GRIA1: variants seen among roughly 807,000 people sequenced by gnomAD.
GRIA1 encodes the protein glutamate ionotropic receptor AMPA type subunit 1.
In GRIA1, 31 loss-of-function variants were observed where a neutral mutation model predicts 99.2. That is an observed-to-expected ratio of 0.31 (90% confidence interval 0.23 to 0.42). The LOEUF (loss-of-function observed/expected upper bound fraction) is 0.42. GRIA1 is among the 10% of genes least tolerant of loss of function. The pLI is 1.00. For synonymous variants in GRIA1, 438 were observed against 432.4 expected, an observed-to-expected ratio of 1.01 and a Z score of -0.16; for missense variants, 782 against 1,157.5, an observed-to-expected ratio of 0.68 and a Z score of 4.71.
intron 2 of GRIA1, among the ~76,000 whole-genome samples, chr5:153,561,696 G>C (rs1761139890): frequency 6.6e-6 from 1 of 152,178 alleles, no homozygotes; most frequent in African/African-American, 2.4e-5. Context: ...AGAATGCCTA[G>C]CACATTATAA....
At chr5:153,511,965 C>G (rs1328889086) in intron 2 of GRIA1, among the ~76,000 whole-genome samples, 1 of 152,186 alleles carries the variant, frequency 6.6e-6, no homozygotes, top group Non-Finnish European at 1.5e-5. Flanking sequence ...GAAATAACAC[C>G]CAGCCTCTGT....
chr5:153,506,619 C>G (rs1350802661), intron 2 of GRIA1, among the ~76,000 whole-genome samples: 2 of 152,078 alleles, frequency 1.3e-5, no homozygotes, highest in African/African-American at 4.8e-5. Context: ...ATAGAGGTGT[C>G]ACACCTACAA....
chr5:153,609,807 G>A lies in GRIA1; in HGVS notation c.221-37121G>A, dbSNP rs560348769. On this transcript the variant is annotated intron_variant, in intron 2 of 15. Transcript: ENST00000285900. Reference sequence around the variant, plus strand: ...CGATCTCCTGACCTTGTGATCTGCCGGCCTCGGCCTCCCAAAGTGCTGGGA... The same window carrying A: ...CGATCTCCTGACCTTGTGATCTGCCAGCCTCGGCCTCCCAAAGTGCTGGGA... 2.0e-3 allele frequency among the ~76,000 whole-genome samples: 298 copies of A among 151,634 alleles called. 1 individual carries two copies. Among genetic ancestry groups the A allele is most frequent in the Non-Finnish European group, 3.5e-3 (238 of 67,828 alleles).
At chr5:153,509,959 G>A (rs780859144) in intron 2 of GRIA1, among the ~76,000 whole-genome samples, 20 of 152,084 alleles carry the variant, frequency 1.3e-4, no homozygotes, top group Non-Finnish European at 2.6e-4. Context: ...ACTCTGGATG[G>A]GATTTTGTAA....
intron 13 of GRIA1, among the ~76,000 whole-genome samples, chr5:153,771,401 A>G (rs922265456): frequency 6.6e-6 from 1 of 152,168 alleles, no homozygotes; most frequent in African/African-American, 2.4e-5. Context: ...ATCTGGGTCT[A>G]CCTCTGCCTC....
intron 2 of GRIA1, among the ~76,000 whole-genome samples, chr5:153,616,613 T>C (rs1324477699): frequency 6.6e-6 from 1 of 152,244 alleles, no homozygotes; most frequent in African/African-American, 2.4e-5. Context: ...TACAATTTTA[T>C]TCTCCCAGGG....
chr5:153,517,383 C>T (rs999014477), intron 2 of GRIA1, among the ~76,000 whole-genome samples: 3 of 152,244 alleles, frequency 2.0e-5, no homozygotes, highest in East Asian at 3.9e-4. Flanking sequence ...GGGAGCAGAA[C>T]ATTTGAGCTT....
intron 11 of GRIA1, among the ~76,000 whole-genome samples, chr5:153,720,012 AT>A (rs1404965477): frequency 6.6e-6 from 1 of 152,162 alleles, no homozygotes; most frequent in East Asian, 1.9e-4. Flanking sequence ...GTGTTTATTA[AT>A]TTTTTGTGTC....
intron 8 of GRIA1, among the ~76,000 whole-genome samples, chr5:153,688,557 C>A (rs1034426851): frequency 4.6e-5 from 7 of 152,128 alleles, no homozygotes; most frequent in African/African-American, 1.7e-4. Context: ...TTATTAATAG[C>A]TATAGTAAAT....
chr5:153,656,714 G>A (rs1004415923), intron 5 of GRIA1, among the ~76,000 whole-genome samples: 1 of 151,954 alleles, frequency 6.6e-6, no homozygotes, highest in Non-Finnish European at 1.5e-5. Context: ...ATTTTATAAA[G>A]CACACAATTC....
intron 2 of GRIA1, among the ~76,000 whole-genome samples, chr5:153,640,688 T>G (rs1408319985): frequency 6.6e-6 from 1 of 152,240 alleles, no homozygotes; most frequent in Admixed American, 6.5e-5. Context: ...AAATCACCCT[T>G]TATTTTCCTT....
At chr5:153,799,123 G>T (rs974274495) in intron 14 of GRIA1, among the ~76,000 whole-genome samples, 1 of 152,154 alleles carries the variant, frequency 6.6e-6, no homozygotes, top group Non-Finnish European at 1.5e-5. Flanking sequence ...GTGTGCAGCT[G>T]CTATGGAATA....
At chr5:153,527,495 T>C (rs1757711232) in intron 2 of GRIA1, among the ~76,000 whole-genome samples, 2 of 152,178 alleles carry the variant, frequency 1.3e-5, no homozygotes, top group Admixed American at 1.3e-4. Flanking sequence ...TAAAACCTGG[T>C]AAAACATTAC....
At chr5:153,743,813 C>G (rs1466169112) in intron 11 of GRIA1, among the ~76,000 whole-genome samples, 1 of 152,102 alleles carries the variant, frequency 6.6e-6, no homozygotes, top group African/African-American at 2.4e-5. Flanking sequence ...GCAGTAACAC[C>G]AGGGGGCAGA....
intron 13 of GRIA1, among the ~76,000 whole-genome samples, chr5:153,784,749 T>C (rs558947952): frequency 6.6e-6 from 1 of 152,330 alleles, no homozygotes; most frequent in East Asian, 1.9e-4. Context: ...GTCTGAGTTG[T>C]CTGCCCAGTC....
intron 11 of GRIA1, among the ~76,000 whole-genome samples, chr5:153,739,870 A>G (rs1045994183): frequency 3.3e-5 from 5 of 152,232 alleles, no homozygotes; most frequent in African/African-American, 1.2e-4. Flanking sequence ...GCTAATTAGA[A>G]CTGTCAGTAT....
At chr5:153,691,381 G>A (rs17115052) in intron 8 of GRIA1, among the ~76,000 whole-genome samples, 14,315 of 152,136 alleles carry the variant, frequency 0.094, 911 homozygotes, top group African/African-American at 0.18. Context: ...TGATTTAACC[G>A]TCTTTTCCCA....
chr5:153,805,777 G>A (rs1314823393), intron 15 of GRIA1, among the ~76,000 whole-genome samples: 3 of 152,156 alleles, frequency 2.0e-5, no homozygotes, highest in Non-Finnish European at 4.4e-5. Context: ...GCTTCTTGGG[G>A]ACATTCTCAC....
At chr5:153,806,607 G>T (rs1300322374) in intron 15 of GRIA1, among the ~76,000 whole-genome samples, 3 of 152,130 alleles carry the variant, frequency 2.0e-5, no homozygotes, top group Non-Finnish European at 4.4e-5. Flanking sequence ...CTCGTTCAGG[G>T]TCATCTTCTC....
Sources: gnomAD v4.1 joint callset for allele counts (sites outside exome capture counted in the v4.1 genomes callset) on GRCh38, gnomAD v4.1.1 for gene constraint, MANE v1.5 for transcripts, NCBI Gene and HGNC (gene_info 2026-07-23, HGNC 2026-07-21) for gene names.